Variants in RBFOX1 observed in about 807,000 individuals in gnomAD.
The protein encoded by RBFOX1 is RNA binding fox-1 homolog 1, also known as RNA binding protein fox-1 homolog 1.
In RBFOX1, 8 loss-of-function variants were observed where a neutral mutation model predicts 57.7. That is an observed-to-expected ratio of 0.14 (90% CI 0.08 to 0.25). The LOEUF is 0.25. RBFOX1 is among the 10% of genes least tolerant of loss of function. The probability of loss-of-function intolerance (pLI) is 1.00; values close to 1 mark genes in which losing one functional copy is unlikely to be tolerated. For synonymous variants in RBFOX1, 326 were observed against 222.4 expected (o/e 1.47, Z -4.15); for missense variants, 611 against 548.5 (o/e 1.11, Z -1.14).
At chr16:6,586,310 A>G (rs1034369776) in intron 2 of RBFOX1, among the ~76,000 whole-genome samples, 1 of 152,186 alleles carries the variant, frequency 6.6e-6, no homozygotes, top group Non-Finnish European at 1.5e-5. Flanking sequence ...TGCATAGATG[A>G]CAGAAGAAAC....
At chr16:6,537,813 T>G (rs1212025736) in intron 2 of RBFOX1, among the ~76,000 whole-genome samples, 5 of 152,152 alleles carry the variant, frequency 3.3e-5, no homozygotes, top group African/African-American at 1.2e-4. Context: ...CAGGAAATGA[T>G]TTACATATCC....
chr16:7,287,241 C>G (rs1468660741), intron 4 of RBFOX1, among the ~76,000 whole-genome samples: 1 of 152,172 alleles, frequency 6.6e-6, no homozygotes, highest in Non-Finnish European at 1.5e-5. Context: ...TAAAGACAAG[C>G]AGTCCTCATA....
chr16:6,809,518 G>A (rs2087866509), intron 3 of RBFOX1, among the ~76,000 whole-genome samples: 1 of 152,120 alleles, frequency 6.6e-6, no homozygotes, highest in Admixed American at 6.6e-5. Context: ...CACCCCAGGA[G>A]GCAGTGTGGA....
chr16:7,167,446 A>T (rs969419983), intron 4 of RBFOX1, among the ~76,000 whole-genome samples: 2 of 152,052 alleles, frequency 1.3e-5, no homozygotes, highest in African/African-American at 4.8e-5. Flanking sequence ...GTGAAGACCA[A>T]ACTAGAGCTA....
At chr16:7,255,833 A>G (rs1402300256) in intron 4 of RBFOX1, among the ~76,000 whole-genome samples, 1 of 152,186 alleles carries the variant, frequency 6.6e-6, no homozygotes, top group African/African-American at 2.4e-5. Context: ...TTTTATACTG[A>G]CAGCACGTCT....
intron 3 of RBFOX1, among the ~76,000 whole-genome samples, chr16:6,906,343 C>T (rs542658875): frequency 6.6e-6 from 1 of 152,008 alleles, no homozygotes; most frequent in South Asian, 2.1e-4. Context: ...CAGGCACTAC[C>T]TAATGATTGT....
chr16:6,619,804 C>G (rs1453753315), intron 2 of RBFOX1, among the ~76,000 whole-genome samples: 1 of 150,918 alleles, frequency 6.6e-6, no homozygotes, highest in African/African-American at 2.4e-5. Flanking sequence ...ATTTCATCAT[C>G]CAGATGGTAA....
intron 3 of RBFOX1, among the ~76,000 whole-genome samples, chr16:6,945,914 T>C (rs1316318437): frequency 6.6e-6 from 1 of 152,196 alleles, no homozygotes; most frequent in African/African-American, 2.4e-5. Context: ...AATCTGCTGG[T>C]GCTAACCCTA....
chr16:5,911,936 A>AG (rs1217950109), intron 4 of RBFOX1, among the ~76,000 whole-genome samples: 4 of 152,140 alleles, frequency 2.6e-5, no homozygotes, highest in Non-Finnish European at 5.9e-5. Flanking sequence ...ATGAATTTTG[A>AG]GGGGACACAA....
intron 3 of RBFOX1, among the ~76,000 whole-genome samples, chr16:5,822,535 C>G (rs1408688927): frequency 6.6e-6 from 1 of 152,196 alleles, no homozygotes; most frequent in African/African-American, 2.4e-5. Context: ...TACTCTATAG[C>G]ATAGATCCTA....
intron 2 of RBFOX1, among the ~76,000 whole-genome samples, chr16:6,505,071 T>C (rs537982690): frequency 6.6e-6 from 1 of 152,132 alleles, no homozygotes; most frequent in Non-Finnish European, 1.5e-5. Context: ...ACACTCCGTC[T>C]CAATAAATAA....
At chr16:7,473,673 A>G (rs2062022391) in intron 4 of RBFOX1, among the ~76,000 whole-genome samples, 1 of 151,970 alleles carries the variant, frequency 6.6e-6, no homozygotes, top group African/African-American at 2.4e-5. Context: ...TTAATGGTTA[A>G]AAAAGAAAGA....
chr16:7,551,088 C>CAAAAAA (rs539169022), intron 5 of RBFOX1, among the ~76,000 whole-genome samples: 4 of 76,738 alleles, frequency 5.2e-5, no homozygotes, highest in Admixed American at 3.1e-4. Context: ...GAGCGAGACT[C>CAAAAAA]AAAAAAAAAA....
rs570944776 is a variant in RBFOX1 at position 7,093,456 on chromosome 16, C to T, written c.27+41358C>T. Among the ~76,000 whole-genome samples the T allele has an allele frequency of 1.1e-4, 17 of 152,270 alleles. No homozygotes were observed. The South Asian group carries it at 1.5e-3, about 13-fold the overall frequency. On this transcript the variant is annotated intron_variant, in intron 4 of 15. Coordinates refer to ENST00000550418, the MANE Select transcript of RBFOX1 (RefSeq NM_018723.4). ...TGACATAGTCACATCTTTAATGTTG[C>T]TTAAAGATGTTTTTGAACATTTGGA...
intron 2 of RBFOX1, among the ~76,000 whole-genome samples, chr16:6,519,788 A>G (rs1392545180): frequency 1.3e-5 from 2 of 152,180 alleles, no homozygotes; most frequent in Non-Finnish European, 2.9e-5. Context: ...AACTCAGTAG[A>G]CACTTTCTTA....
At position 5,615,534 on chromosome 16, in the gene RBFOX1, T is replaced by G. The variant is rs188748526; in HGVS notation, c.318+16573T>G. Reference sequence around the variant, plus strand: ...GACAGGAGGGACATTGGAGTGGTATTTTGACAAGGCAGCTGGCTGCCAATC... The same window carrying G: ...GACAGGAGGGACATTGGAGTGGTATGTTGACAAGGCAGCTGGCTGCCAATC... On this transcript the variant is annotated intron_variant, in intron 3 of 19. Coordinates refer to the RBFOX1 transcript ENST00000641259. 3.1e-4 allele frequency among the ~76,000 whole-genome samples: 47 copies of G among 152,312 alleles called. No individual in the cohort carries two copies. In the East Asian group the frequency reaches 8.7e-3, roughly 28 times the overall value.
chr16:5,970,901 G>A lies in RBFOX1; in HGVS notation c.351+103566G>A, dbSNP rs118060948. On this transcript the variant is annotated intron_variant, in intron 4 of 19. Coordinates refer to the RBFOX1 transcript ENST00000641259. ...ATAATATTCAAGTAAAGTGACTGTT[G>A]TCAAGCATGTGTTCTCAGTGCACCC... 3.7e-4 allele frequency among the ~76,000 whole-genome samples: 56 copies of A among 152,292 alleles called. No individual in the cohort carries two copies. In the East Asian group the frequency reaches 5.2e-3, roughly 14 times the overall value.
intron 3 of RBFOX1, among the ~76,000 whole-genome samples, chr16:6,971,078 C>T (rs1240446065): frequency 6.6e-6 from 1 of 152,150 alleles, no homozygotes; most frequent in Admixed American, 6.5e-5. Flanking sequence ...AGGACACATG[C>T]GTTTCCTGAT....
chr16:5,955,085 A>G (rs1324844755), intron 4 of RBFOX1, among the ~76,000 whole-genome samples: 1 of 128,726 alleles, frequency 7.8e-6, no homozygotes, highest in Non-Finnish European at 1.6e-5. Flanking sequence ...GTTCAAGACC[A>G]GCCTGGGCAA....
Sources: gnomAD v4.1 joint callset for allele counts (sites outside exome capture counted in the v4.1 genomes callset) on GRCh38, gnomAD v4.1.1 for gene constraint, MANE v1.5 for transcripts, NCBI Gene and HGNC (gene_info 2026-07-23, HGNC 2026-07-21) for gene names.